NRXN3: variants seen among roughly 807,000 people sequenced by gnomAD.
NRXN3 encodes neurexin III.
Under a neutral mutation model 137.6 loss-of-function variants are expected in NRXN3, and 32 were observed. The observed-to-expected ratio is 0.23, with a 90% CI of 0.18 to 0.31. The LOEUF is 0.31. Among genes scored for constraint, NRXN3 ranks in the 10% least tolerant of loss-of-function variants. The pLI is 1.00. For synonymous variants in NRXN3, 798 were observed against 784.5 expected, an observed-to-expected ratio of 1.02 and a Z score of -0.29; for missense variants, 1,574 against 2,062.5, an observed-to-expected ratio of 0.76 and a Z score of 4.59.
chr14:78,962,125 A>T (rs1347254430), intron 11 of NRXN3, among the ~76,000 whole-genome samples: 1 of 152,140 alleles, frequency 6.6e-6, no homozygotes, highest in Non-Finnish European at 1.5e-5. Context: ...TTTTTTCCAA[A>T]GACAGTTCAT....
rs565794617 is a variant in NRXN3 at position 79,511,697 on chromosome 14, C to T, written c.3444+44295C>T. The stretch of plus-strand genomic sequence containing the variant: ...CTGCTCCATCAACCCAATAATGAAT[C>T]AACCTATATTTGAGGACTATGGTTT... On this transcript the variant is annotated intron_variant, in intron 16 of 20. Transcript: ENST00000335750. Among the ~76,000 whole-genome samples, 78 of 152,304 alleles carry T rather than the reference C, an allele frequency of 5.1e-4. No homozygotes were observed. The South Asian group carries it at 0.015, about 30-fold the overall frequency.
chr14:79,659,035 T>C (rs915449192), intron 16 of NRXN3, among the ~76,000 whole-genome samples: 1 of 152,120 alleles, frequency 6.6e-6, no homozygotes, highest in African/African-American at 2.4e-5. Flanking sequence ...GTCGGTAGCA[T>C]CTCTTAGGTC....
chr14:79,010,727 C>T (rs548990053), intron 15 of NRXN3, among the ~76,000 whole-genome samples: 2 of 152,196 alleles, frequency 1.3e-5, no homozygotes, highest in South Asian at 2.1e-4. Context: ...AATCTTTATG[C>T]AGCTATTATC....
At chr14:78,781,424 T>C (rs181067133) in intron 8 of NRXN3, among the ~76,000 whole-genome samples, 9 of 152,174 alleles carry the variant, frequency 5.9e-5, no homozygotes, top group African/African-American at 2.2e-4. Flanking sequence ...ATGTAGATAT[T>C]TATTATATTA....
intron 10 of NRXN3, among the ~76,000 whole-genome samples, chr14:78,839,687 C>T (rs980163465): frequency 1.3e-5 from 2 of 152,284 alleles, no homozygotes; most frequent in South Asian, 4.1e-4. Context: ...TCTCTGCCAA[C>T]CTTTCTGCCT....
At chr14:79,256,134 C>T (rs145223519) in intron 15 of NRXN3, among the ~76,000 whole-genome samples, 390 of 151,982 alleles carry the variant, frequency 2.6e-3, no homozygotes, top group African/African-American at 4.5e-3. Flanking sequence ...GTGTCTTTCT[C>T]TCTCTCTCTG....
At chr14:78,724,619 G>A (rs1178979237) in intron 8 of NRXN3, among the ~76,000 whole-genome samples, 2 of 152,154 alleles carry the variant, frequency 1.3e-5, no homozygotes, top group Non-Finnish European at 2.9e-5. Flanking sequence ...ACATGCATCT[G>A]TGCATCTGTG....
chr14:79,071,049 C>A (rs1203261974), intron 15 of NRXN3, among the ~76,000 whole-genome samples: 1 of 152,102 alleles, frequency 6.6e-6, no homozygotes, highest in Non-Finnish European at 1.5e-5. Flanking sequence ...TTTATTAGCT[C>A]TAAGGATTCT....
intron 4 of NRXN3, among the ~76,000 whole-genome samples, chr14:78,596,465 C>T (rs1411215101): frequency 1.3e-5 from 2 of 152,154 alleles, no homozygotes; most frequent in Non-Finnish European, 2.9e-5. Flanking sequence ...CCTCCTCCTG[C>T]CACCTCTCAG....
At chr14:79,156,120 ATTAT>A (rs2060234042) in intron 15 of NRXN3, among the ~76,000 whole-genome samples, 2 of 151,838 alleles carry the variant, frequency 1.3e-5, no homozygotes, top group Admixed American at 6.6e-5. Flanking sequence ...CTACTAAATG[ATTAT>A]TTATTCAGAT....
intron 10 of NRXN3, among the ~76,000 whole-genome samples, chr14:78,914,476 G>A (rs544376181): frequency 6.6e-6 from 1 of 152,268 alleles, no homozygotes; most frequent in East Asian, 1.9e-4. Flanking sequence ...GAGGACCAAG[G>A]TTTACTACTT....
At chr14:78,450,166 AG>A in intron 4 of NRXN3, among the ~76,000 whole-genome samples, 1 of 152,360 alleles carries the variant, frequency 6.6e-6, no homozygotes, top group South Asian at 2.1e-4. Flanking sequence ...TAGGTATTAG[AG>A]GTGTACCGCA....
chr14:78,609,803 C>T (rs2097284392), intron 4 of NRXN3, among the ~76,000 whole-genome samples: 1 of 152,144 alleles, frequency 6.6e-6, no homozygotes, highest in African/African-American at 2.4e-5. Context: ...GGAAAAGGCA[C>T]TACAGGCACA....
intron 4 of NRXN3, among the ~76,000 whole-genome samples, chr14:78,444,886 T>C (rs1259767392): frequency 4.3e-5 from 5 of 116,878 alleles, no homozygotes; most frequent in Middle Eastern, 8.2e-3. Flanking sequence ...ACCACTGCAC[T>C]CCAGCCTGGG....
At chr14:78,912,009 T>C (rs186948397) in intron 10 of NRXN3, among the ~76,000 whole-genome samples, 152 of 151,798 alleles carry the variant, frequency 1.0e-3, no homozygotes, top group Middle Eastern at 3.4e-3. Flanking sequence ...CATGTTGGTG[T>C]GCTGCACCCA....
At chr14:78,175,835 C>A (rs2059211910) in intron 1 of NRXN3, among the ~76,000 whole-genome samples, 1 of 152,220 alleles carries the variant, frequency 6.6e-6, no homozygotes, top group Non-Finnish European at 1.5e-5. Context: ...AACCTCCTGG[C>A]TGCTTTCCAG....
intron 17 of NRXN3, among the ~76,000 whole-genome samples, chr14:79,685,869 A>G (rs1482295990): frequency 6.6e-6 from 1 of 152,218 alleles, no homozygotes; most frequent in Non-Finnish European, 1.5e-5. Flanking sequence ...ACATGTATGC[A>G]CAAAACATGT....
intron 15 of NRXN3, among the ~76,000 whole-genome samples, chr14:79,318,007 A>G (rs1253708940): frequency 3.9e-5 from 6 of 152,204 alleles, no homozygotes; most frequent in Admixed American, 6.5e-5. Context: ...TAGGTTTTTC[A>G]TAGCCCCAAT....
At chr14:79,602,559 G>A (rs1744105522) in intron 16 of NRXN3, among the ~76,000 whole-genome samples, 1 of 152,100 alleles carries the variant, frequency 6.6e-6, no homozygotes, top group Admixed American at 6.5e-5. Context: ...TGTGCTGGAG[G>A]GGTTTGGCCA....
Sources: gnomAD v4.1 joint callset for allele counts (sites outside exome capture counted in the v4.1 genomes callset) on GRCh38, gnomAD v4.1.1 for gene constraint, MANE v1.5 for transcripts, NCBI Gene and HGNC (gene_info 2026-07-23, HGNC 2026-07-21) for gene names.